STAG1: variants seen among roughly 807,000 people sequenced by gnomAD.
The protein encoded by STAG1 is cohesin subunit SA-1.
In STAG1, 26 loss-of-function variants were observed where a neutral mutation model predicts 170.9. The observed-to-expected ratio is 0.15, with a 90% CI of 0.11 to 0.21. The LOEUF (loss-of-function observed/expected upper bound fraction) is 0.21. STAG1 is among the 10% of genes least tolerant of loss of function. The probability of loss-of-function intolerance (pLI) is 1.00; values close to 1 mark genes in which losing one functional copy is unlikely to be tolerated. For synonymous variants in STAG1, 514 were observed against 497.7 expected (o/e 1.03, Z -0.44); for missense variants, 964 against 1,509.5 (o/e 0.64, Z 5.99).
intron 13 of STAG1, among the ~76,000 whole-genome samples, chr3:136,453,983 A>C (rs1027745662): frequency 2.6e-5 from 4 of 152,120 alleles, no homozygotes; most frequent in Non-Finnish European, 5.9e-5. Context: ...TCTTGAAGCT[A>C]TATCTATAAT....
At chr3:136,714,654 G>C (rs1281322220) in intron 1 of STAG1, among the ~76,000 whole-genome samples, 1 of 152,050 alleles carries the variant, frequency 6.6e-6, no homozygotes, top group Non-Finnish European at 1.5e-5. Flanking sequence ...CATGAACCCA[G>C]GAGGCGGAGC....
At chr3:136,340,665 T>C (rs1396179010) in intron 31 of STAG1, 60 bp from the exon 32 acceptor site, 1 of 1,092,614 alleles carries the variant, frequency 9.2e-7, no homozygotes, top group East Asian at 2.4e-5. Context: ...GAGTCCTGGC[T>C]GTTTCTCAGA....
At chr3:136,694,890 A>T (rs1475857379) in intron 1 of STAG1, among the ~76,000 whole-genome samples, 1 of 152,166 alleles carries the variant, frequency 6.6e-6, no homozygotes, top group East Asian at 1.9e-4. Context: ...AAAAGTTTTG[A>T]AAAGTGAGGA....
intron 9 of STAG1, among the ~76,000 whole-genome samples, chr3:136,494,521 C>A (rs1429121882): frequency 6.6e-6 from 1 of 152,092 alleles, no homozygotes; most frequent in Admixed American, 6.5e-5. Context: ...AGTAAATGCA[C>A]AAATCCTTAA....
At chr3:136,475,429 G>A (rs571487295) in intron 10 of STAG1, among the ~76,000 whole-genome samples, 2 of 152,236 alleles carry the variant, frequency 1.3e-5, no homozygotes, top group East Asian at 1.9e-4. Flanking sequence ...TTACAGGTGT[G>A]AGTCATCATG....
intron 1 of STAG1, among the ~76,000 whole-genome samples, chr3:136,665,228 G>A (rs1018964739): frequency 1.7e-4 from 26 of 152,290 alleles, no homozygotes; most frequent in African/African-American, 5.8e-4. Context: ...AGCTTGAGAT[G>A]AGATATTGAA....
intron 1 of STAG1, among the ~76,000 whole-genome samples, chr3:136,660,061 C>T (rs1464647955): frequency 1.3e-5 from 2 of 152,130 alleles, no homozygotes; most frequent in Non-Finnish European, 2.9e-5. Flanking sequence ...AACATACATG[C>T]AGCATGTGCG....
intron 5 of STAG1, among the ~76,000 whole-genome samples, chr3:136,553,034 T>A (rs760834586): frequency 1.3e-5 from 2 of 150,994 alleles, no homozygotes; most frequent in Non-Finnish European, 3.0e-5. Flanking sequence ...TCACAAAGAC[T>A]TAAAATACTA....
chr3:136,554,167 G>T (rs1936517581), intron 5 of STAG1, among the ~76,000 whole-genome samples: 1 of 152,102 alleles, frequency 6.6e-6, no homozygotes. Flanking sequence ...AAAATATTGA[G>T]TTATAAAAAA....
At chr3:136,634,590 G>C (rs1275607669) in intron 1 of STAG1, among the ~76,000 whole-genome samples, 2 of 139,130 alleles carry the variant, frequency 1.4e-5, no homozygotes, top group African/African-American at 5.3e-5. Context: ...GGAAAATACA[G>C]TTGTAAAAAT....
At chr3:136,658,343 TAAG>T (rs1941463459) in intron 1 of STAG1, among the ~76,000 whole-genome samples, 1 of 152,124 alleles carries the variant, frequency 6.6e-6, no homozygotes, top group South Asian at 2.1e-4. Flanking sequence ...GTAGGTCTAT[TAAG>T]AAAAGTTTTT....
intron 7 of STAG1, among the ~76,000 whole-genome samples, chr3:136,505,828 T>A (rs968492718): frequency 6.6e-6 from 1 of 152,196 alleles, no homozygotes; most frequent in African/African-American, 2.4e-5. Context: ...ACCTTGACAT[T>A]TGAGCATGAA....
At chr3:136,733,395 CTTT>C (rs571781218) in intron 1 of STAG1, among the ~76,000 whole-genome samples, 51 of 152,142 alleles carry the variant, frequency 3.4e-4, no homozygotes, top group Middle Eastern at 3.4e-3. Flanking sequence ...CAAAGGCTAA[CTTT>C]TTAACGCACA....
Position 136,349,226 on chromosome 3 carries a change from C to A in STAG1, c.3203G>T (p.Ser1068Ile), listed in dbSNP as rs1936345260. The change falls in exon 29 of 34, where the codon AGC becomes ATC. Residue 1068 changes from serine to isoleucine, a missense_variant. This residue lies in a region of STAG1 where 149 missense variants were observed against 301.3 expected (regional missense o/e 0.49). Transcript: ENST00000383202. ...CCTTACTGATGAGGTTTTGCTGCTG[C>A]TACTTCCACTGTTCACAGACATTCT... Reference protein sequence around the residue: ...DDRMSVNSGSSSSKTSSVRNK... With the variant: ...DDRMSVNSGSISSKTSSVRNK... The A allele has an allele frequency of 6.2e-7, 1 of 1,614,026 alleles. No homozygotes were observed. The highest frequency in any genetic ancestry group is 8.5e-7 in the Non-Finnish European group (1 of 1,180,020).
intron 2 of STAG1, among the ~76,000 whole-genome samples, chr3:136,623,608 C>T (rs1939961157): frequency 6.6e-6 from 1 of 151,930 alleles, no homozygotes; most frequent in South Asian, 2.1e-4. Context: ...TCATGAAGGG[C>T]AGTGTTATGC....
intron 6 of STAG1, among the ~76,000 whole-genome samples, chr3:136,522,413 G>GT (rs1165874597): frequency 3.3e-5 from 5 of 152,164 alleles, no homozygotes; most frequent in Non-Finnish European, 1.5e-5. Context: ...GACGGGGAGT[G>GT]TGAGTGTAGA....
intron 24 of STAG1, among the ~76,000 whole-genome samples, chr3:136,368,389 G>C (rs979148287): frequency 6.6e-6 from 1 of 152,102 alleles, no homozygotes; most frequent in Admixed American, 6.6e-5. Context: ...ATTTTCACTA[G>C]TGAGGTTTGA....
At chr3:136,618,745 A>C (rs1576675058) in intron 3 of STAG1, among the ~76,000 whole-genome samples, 1 of 151,792 alleles carries the variant, frequency 6.6e-6, no homozygotes, top group African/African-American at 2.4e-5. Context: ...CAACTGGCAA[A>C]ATCTAAATGA....
Position 136,405,316 on chromosome 3 carries a change from A to G in STAG1, c.2197-6487T>C, listed in dbSNP as rs531506900. ...GAGTGCAGTGGCATGATCTCGGCTC[A>G]CTGCAACCTCCATCTCCCAGGTTCA... On this transcript the variant is annotated intron_variant, in intron 21 of 33. Transcript: ENST00000383202. Among the ~76,000 whole-genome samples, 3 of 130,088 alleles carry G rather than the reference A, an allele frequency of 2.3e-5. No homozygotes were observed. The East Asian group carries it at 6.9e-4, about 30-fold the overall frequency. 85.3% of individuals were successfully genotyped at this position (130,088 alleles called of 152,430 possible).
Sources: allele counts gnomAD v4.1 joint callset (sites outside exome capture counted in the v4.1 genomes callset), GRCh38; gene constraint gnomAD v4.1.1; regional missense constraint gnomAD v4.1.1; transcripts MANE v1.5; gene names NCBI Gene and HGNC (gene_info 2026-07-23, HGNC 2026-07-21).